Variants in UGT2B7 observed in about 807,000 individuals in gnomAD.
UGT2B7 encodes UDP glucuronosyltransferase family 2 member B7, also known as UDP-glucuronosyltransferase 2B7.
A neutral mutation model predicts 51.9 loss-of-function variants in UGT2B7; 51 were observed. The ratio of observed to expected loss-of-function variants is 0.98; its 90% CI spans 0.78 to 1.24. UGT2B7 has a LOEUF of 1.24. Among genes scored for constraint, UGT2B7 ranks in the 50% most tolerant of loss-of-function variants. The pLI is 0.00. For synonymous variants in UGT2B7, 225 were observed against 211.6 expected (o/e 1.06, Z -0.55); for missense variants, 727 against 628.4 (o/e 1.16, Z -1.68).
chr4:69,075,783 T>A (rs1160336480), intron 1 of UGT2B7, among the ~76,000 whole-genome samples: 2 of 152,160 alleles, frequency 1.3e-5, no homozygotes, highest in South Asian at 4.1e-4. Flanking sequence ...TTCTTTATTG[T>A]ATTATGTTTA....
At chr4:69,056,705 T>C (rs1718211597) in intron 1 of UGT2B7, among the ~76,000 whole-genome samples, 1 of 152,182 alleles carries the variant, frequency 6.6e-6, no homozygotes. Flanking sequence ...CTTCAAATGA[T>C]AAAAAGCTTC....
At chr4:69,060,494 A>G (rs563831922) in intron 1 of UGT2B7, among the ~76,000 whole-genome samples, 2 of 152,344 alleles carry the variant, frequency 1.3e-5, no homozygotes, top group East Asian at 3.9e-4. Context: ...AAGGAAATCA[A>G]AGAAGCCTTG....
rs182011163 is a variant in UGT2B7 at position 69,098,581 on chromosome 4, G to A, written c.763G>A (p.Val255Ile). ...ATCTGAGACAATGGGGAAAGCTGAC[G>A]TATGGCTTATTCGAAACTCCTGGAA... ...TLSETMGKAD[V>I]WLIRNSWNFQ... The change falls in exon 2 of 6, where the codon GTA (valine) becomes ATA (isoleucine). Residue 255 changes from valine to isoleucine, a missense_variant. Coordinates refer to ENST00000305231, the MANE Select transcript of UGT2B7 (RefSeq NM_001074.4). 337 of 1,611,394 alleles carry A rather than the reference G, an allele frequency of 2.1e-4. 1 individual carries two copies. The South Asian group carries it at 3.0e-3, about 15-fold the overall frequency.
At chr4:69,073,966 T>A (rs1168100836) in intron 1 of UGT2B7, among the ~76,000 whole-genome samples, 1 of 152,160 alleles carries the variant, frequency 6.6e-6, no homozygotes, top group Non-Finnish European at 1.5e-5. Context: ...TGATTATTTT[T>A]GTATTCATCC....
At chr4:69,112,070 C>T (rs1719788056) in intron 5 of UGT2B7, among the ~76,000 whole-genome samples, 1 of 152,148 alleles carries the variant, frequency 6.6e-6, no homozygotes, top group African/African-American at 2.4e-5. Flanking sequence ...CACAAGCAGA[C>T]AGCCCAGTGC....
At chr4:69,082,388 T>C (rs1718858439) in intron 1 of UGT2B7, among the ~76,000 whole-genome samples, 1 of 114,630 alleles carries the variant, frequency 8.7e-6, no homozygotes, top group African/African-American at 3.8e-5. Flanking sequence ...AATAGCCAAG[T>C]TGTGAATTAA....
intron 1 of UGT2B7, among the ~76,000 whole-genome samples, chr4:69,071,508 A>T (rs1718600316): frequency 6.6e-6 from 1 of 152,142 alleles, no homozygotes; most frequent in South Asian, 2.1e-4. Context: ...AAGGTTTGAA[A>T]AGCAAATAAC....
intron 2 of UGT2B7, 74 bp from the exon 3 acceptor site, chr4:69,102,733 A>G (rs1215171582): frequency 6.4e-7 from 1 of 1,560,826 alleles, no homozygotes; most frequent in Admixed American, 2.1e-5. Flanking sequence ...CTCTTTAGTA[A>G]TTTGCACCAA....
At chr4:69,098,123 G>T (rs1189681499) in intron 1 of UGT2B7, among the ~76,000 whole-genome samples, 3 of 151,950 alleles carry the variant, frequency 2.0e-5, no homozygotes, top group Admixed American at 2.0e-4. Flanking sequence ...GTGTAAACTA[G>T]ACTATTTCTT....
chr4:69,087,696 G>A (rs1347366730), intron 1 of UGT2B7, among the ~76,000 whole-genome samples: 2 of 146,478 alleles, frequency 1.4e-5, no homozygotes, highest in African/African-American at 2.6e-5. Context: ...GAATTGCTTC[G>A]GTAGGCTCAG....
At chr4:69,110,646 T>C (rs1197222306) in intron 5 of UGT2B7, among the ~76,000 whole-genome samples, 1 of 152,166 alleles carries the variant, frequency 6.6e-6, no homozygotes, top group Non-Finnish European at 1.5e-5. Context: ...GTACGTATTA[T>C]ATAATTCAAT....
At chr4:69,099,832 T>G (rs1719367738) in intron 2 of UGT2B7, among the ~76,000 whole-genome samples, 1 of 152,044 alleles carries the variant, frequency 6.6e-6, no homozygotes, top group South Asian at 2.1e-4. Flanking sequence ...GATTGTTCAG[T>G]ACATCAAAAT....
intron 2 of UGT2B7, among the ~76,000 whole-genome samples, chr4:69,091,029 C>T (rs968898213): frequency 6.6e-6 from 1 of 152,126 alleles, no homozygotes; most frequent in East Asian, 1.9e-4. Flanking sequence ...TATCCATGAC[C>T]TTTACTCATT....
chr4:69,062,049 G>A (rs868834789), intron 1 of UGT2B7, among the ~76,000 whole-genome samples: 1 of 152,292 alleles, frequency 6.6e-6, no homozygotes, highest in Non-Finnish European at 1.5e-5. Flanking sequence ...AATCGTTCAG[G>A]ACTTAACTCG....
At chr4:69,065,661 C>T (rs761884025) in intron 1 of UGT2B7, among the ~76,000 whole-genome samples, 5 of 152,118 alleles carry the variant, frequency 3.3e-5, no homozygotes, top group African/African-American at 1.2e-4. Flanking sequence ...GTGTATTTCT[C>T]ATACATAGAT....
chr4:69,074,161 T>A (rs960842300), intron 1 of UGT2B7, among the ~76,000 whole-genome samples: 4 of 152,064 alleles, frequency 2.6e-5, no homozygotes, highest in African/African-American at 4.8e-5. Context: ...GATAACATAA[T>A]GAGAGCTCAT....
In UGT2B7 at chr4:69,084,591, A is replaced by G. The variant is rs116134734; in HGVS notation, c.-158-4881A>G. 3.9e-3 allele frequency among the ~76,000 whole-genome samples: 598 copies of G among 152,014 alleles called. 5 individuals are homozygous for G. The highest frequency in any genetic ancestry group is 0.014 in the African/African-American group (577 of 41,480). On this transcript the variant is annotated intron_variant, in intron 1 of 5. Coordinates refer to the UGT2B7 transcript ENST00000502942. ...GTTTTAAGCCACACACGAATTAGGT[A>G]TTTGTCCTAATGCTCTCCCTCCTCT...
intron 3 of UGT2B7, among the ~76,000 whole-genome samples, chr4:69,104,601 T>A (rs1719537622): frequency 6.6e-6 from 1 of 152,160 alleles, no homozygotes; most frequent in East Asian, 1.9e-4. Context: ...TGTTTTTCAT[T>A]GATAATAAAT....
Position 69,052,826 on chromosome 4 carries a change from G to A in UGT2B7, c.-159+1224G>A, listed in dbSNP as rs1322255749. ...ATTGAAGAAACAGTTTATGTGCAAA[G>A]TGTATAAAAAAGTAAAACATACCTT... On this transcript the variant is annotated intron_variant, in intron 1 of 5. Transcript: ENST00000502942. 7.2e-5 allele frequency among the ~76,000 whole-genome samples: 11 copies of A among 152,184 alleles called. No individual in the cohort carries two copies. The South Asian group carries it at 2.1e-3, about 29-fold the overall frequency.
Sources: gnomAD v4.1 joint callset for allele counts (sites outside exome capture counted in the v4.1 genomes callset) on GRCh38, gnomAD v4.1.1 for gene constraint, MANE v1.5 for transcripts, NCBI Gene and HGNC (gene_info 2026-07-23, HGNC 2026-07-21) for gene names.